The following CIDEA variants were observed in gnomAD, a reference collection of about 807,000 sequenced individuals.
The protein encoded by CIDEA is lipid transferase CIDEA.
In CIDEA, 10 loss-of-function variants were observed where a neutral mutation model predicts 18.2. The ratio of observed to expected loss-of-function variants is 0.55; its 90% confidence interval spans 0.34 to 0.93. The LOEUF (loss-of-function observed/expected upper bound fraction) is 0.93, where lower values mean the gene tolerates loss of function less well. Among genes scored for constraint, CIDEA ranks in the 40% least tolerant of loss-of-function variants. The probability of loss-of-function intolerance (pLI) is 0.02; values close to 1 mark genes in which losing one functional copy is unlikely to be tolerated. For synonymous variants in CIDEA, 128 were observed against 124.8 expected (o/e 1.03, Z -0.17); for missense variants, 309 against 293.1 (o/e 1.05, Z -0.40).
At chr18:12,266,868 C>A (rs1912364802) in intron 3 of CIDEA, among the ~76,000 whole-genome samples, 1 of 150,482 alleles carries the variant, frequency 6.6e-6, no homozygotes. Flanking sequence ...TCAGGTGATT[C>A]TTCTGCCTCA....
Position 12,274,130 on chromosome 18 carries a change from GGT to G in CIDEA, c.369_370del (p.Arg123SerfsTer23). On this transcript the variant is annotated frameshift_variant, in exon 4 of 5. Transcript: ENST00000320477. LOFTEE classifies it high-confidence loss of function. ...GTCCCCACTTGCTCGCCGCCGAAGAGGTCGGGAATAGCGAGAGTCACCTTCGA... is the reference window on the plus strand; with the variant it reads ...GTCCCCACTTGCTCGCCGCCGAAGAGCGGGAATAGCGAGAGTCACCTTCGA... The G allele has an allele frequency of 3.1e-6, 5 of 1,614,238 alleles. No homozygotes were observed. The highest frequency in any genetic ancestry group is 4.2e-6 in the Non-Finnish European group (5 of 1,180,050).
chr18:12,264,073 A>C (rs1436949948), intron 2 of CIDEA, among the ~76,000 whole-genome samples: 1 of 152,168 alleles, frequency 6.6e-6, no homozygotes, highest in Non-Finnish European at 1.5e-5. Context: ...GTGAATAGCC[A>C]CTGCACTCCA....
chr18:12,260,556 C>T (rs1332713593), intron 1 of CIDEA, among the ~76,000 whole-genome samples: 1 of 152,122 alleles, frequency 6.6e-6, no homozygotes, highest in African/African-American at 2.4e-5. Context: ...ATTTGCAGAG[C>T]TTTAAGTTAG....
chr18:12,257,822 C>G (rs757726030), intron 1 of CIDEA, among the ~76,000 whole-genome samples: 1 of 152,238 alleles, frequency 6.6e-6, no homozygotes, highest in Middle Eastern at 3.4e-3. Context: ...ATCCTAGGGC[C>G]GCTCAGTGGC....
rs534978867 is a variant in CIDEA at position 12,255,673 on chromosome 18, C to T, written c.38+1252C>T. 9.2e-5 allele frequency among the ~76,000 whole-genome samples: 14 copies of T among 152,320 alleles called. No homozygotes were observed. In the South Asian group the frequency reaches 2.7e-3, roughly 29 times the overall value. ...ACTTTTCCAGTGAATTCACAACACACCCACTGTTCCTCCGGAGCATGGGGG... is the reference window on the plus strand; with the variant it reads ...ACTTTTCCAGTGAATTCACAACACATCCACTGTTCCTCCGGAGCATGGGGG... On this transcript the variant is annotated intron_variant, in intron 1 of 4. Coordinates refer to ENST00000320477, the MANE Select transcript of CIDEA (RefSeq NM_001279.4).
At chr18:12,257,806 C>T (rs180743424) in intron 1 of CIDEA, among the ~76,000 whole-genome samples, 13 of 152,210 alleles carry the variant, frequency 8.5e-5, no homozygotes, top group Admixed American at 7.8e-4. Context: ...TGTGTCTAAA[C>T]GCAGGATCCT....
At position 12,258,165 on chromosome 18, in the gene CIDEA, G is replaced by A. The variant is rs947291974; in HGVS notation, c.38+3744G>A. Among the ~76,000 whole-genome samples, 10 of 152,216 alleles carry A rather than the reference G, an allele frequency of 6.6e-5. No individual in the cohort carries two copies. In the South Asian group the frequency reaches 2.1e-3, roughly 32 times the overall value. On this transcript the variant is annotated intron_variant, in intron 1 of 4. Transcript: ENST00000320477. ...CTTGGTTTGGAAATGCTACAGGTGA[G>A]AACAATAGGTGTTTTTTCACTGACG...
At chr18:12,271,077 T>C in intron 3 of CIDEA, among the ~76,000 whole-genome samples, 1 of 151,952 alleles carries the variant, frequency 6.6e-6, no homozygotes, top group Admixed American at 6.6e-5. Flanking sequence ...TTTTGTATTA[T>C]TAGTAGAGAC....
At position 12,259,434 on chromosome 18, in the gene CIDEA, C is replaced by G. The variant is rs547440945; in HGVS notation, c.39-3391C>G. Among the ~76,000 whole-genome samples the G allele has an allele frequency of 5.3e-5, 8 of 152,310 alleles. No individual in the cohort carries two copies. The South Asian group carries it at 1.4e-3, about 28-fold the overall frequency. On this transcript the variant is annotated intron_variant, in intron 1 of 4. Coordinates refer to ENST00000320477, the MANE Select transcript of CIDEA (RefSeq NM_001279.4). ...AAAAAAGTCTTGGCTTTGGACAGAC[C>G]TGGGATCAGGTTTTATCTTTTTCCC...
At chr18:12,265,582 A>C (rs1912325977) in intron 3 of CIDEA, among the ~76,000 whole-genome samples, 1 of 152,024 alleles carries the variant, frequency 6.6e-6, no homozygotes, top group African/African-American at 2.4e-5. Flanking sequence ...TGAGTCCCAA[A>C]CCCCTAAGCT....
intron 1 of CIDEA, among the ~76,000 whole-genome samples, chr18:12,259,468 T>C (rs1050056208): frequency 2.0e-5 from 3 of 152,226 alleles, no homozygotes; most frequent in Admixed American, 1.3e-4. Context: ...CCTTATTGAC[T>C]GGCCCACTTG....
chr18:12,261,322 A>G (rs1440234844), intron 1 of CIDEA, among the ~76,000 whole-genome samples: 1 of 152,000 alleles, frequency 6.6e-6, no homozygotes, highest in Non-Finnish European at 1.5e-5. Flanking sequence ...AGGCGGAAGA[A>G]TCGCTTGAAC....
At chr18:12,254,451 T>C (rs1211994291) in intron 1 of CIDEA, 30 bp downstream of exon 1, 1 of 1,596,896 alleles carries the variant, frequency 6.3e-7, no homozygotes, top group Admixed American at 1.7e-5. Context: ...CTGATTGCCG[T>C]GCGCTTCCAA....
At chr18:12,262,529 TTC>T (rs1912222040) in intron 1 of CIDEA, among the ~76,000 whole-genome samples, 1 of 152,242 alleles carries the variant, frequency 6.6e-6, no homozygotes, top group African/African-American at 2.4e-5. Context: ...CAGAATATAA[TTC>T]TTATTTCTTG....
intron 4 of CIDEA, 116 bp downstream of exon 4, chr18:12,274,390 AGTTGGAGTAAT>A (rs1912648385): frequency 1.1e-6 from 1 of 879,820 alleles, no homozygotes. Context: ...TGTTAGGGGC[AGTTGGAGTAAT>A]GTTGTCTGGA....
At chr18:12,267,380 T>C (rs1271965081) in intron 3 of CIDEA, among the ~76,000 whole-genome samples, 1 of 152,248 alleles carries the variant, frequency 6.6e-6, no homozygotes. Flanking sequence ...CTGAACAGAA[T>C]GCTCTTCAGC....
chr18:12,266,055 C>G (rs956843283), intron 3 of CIDEA, among the ~76,000 whole-genome samples: 1 of 152,060 alleles, frequency 6.6e-6, no homozygotes, highest in African/African-American at 2.4e-5. Flanking sequence ...AAACCCCAAT[C>G]TCCACCAAAA....
intron 3 of CIDEA, among the ~76,000 whole-genome samples, chr18:12,273,410 A>G (rs952455269): frequency 2.6e-5 from 4 of 152,116 alleles, no homozygotes; most frequent in African/African-American, 9.7e-5. Flanking sequence ...TTGCTCTCAT[A>G]TTTTTAAACC....
intron 3 of CIDEA, among the ~76,000 whole-genome samples, chr18:12,270,688 CAAAAAAAAAAAAAA>C (rs68102741): frequency 1.5e-4 from 11 of 72,828 alleles, no homozygotes; most frequent in African/African-American, 8.4e-4. Flanking sequence ...CTCCGTCTCA[CAAAAAAAAAAAAAA>C]AAAAAAAAAA....
Sources: allele counts gnomAD v4.1 joint callset (sites outside exome capture counted in the v4.1 genomes callset), GRCh38; gene constraint gnomAD v4.1.1; transcripts MANE v1.5; gene names NCBI Gene and HGNC (gene_info 2026-07-23, HGNC 2026-07-21).